Variants in DPPA2 observed in about 807,000 individuals in gnomAD.
The protein encoded by DPPA2 is developmental pluripotency-associated protein 2.
Under a neutral mutation model 36.2 loss-of-function variants are expected in DPPA2, and 26 were observed. The ratio of observed to expected loss-of-function variants is 0.72; its 90% CI spans 0.53 to 1.00. DPPA2 has a LOEUF of 1.00. DPPA2 is among the 50% of genes least tolerant of loss of function. DPPA2 has a pLI of 0.00. For synonymous variants in DPPA2, 113 were observed against 123.2 expected (o/e 0.92, Z 0.55); for missense variants, 361 against 365.1 (o/e 0.99, Z 0.09).
At chr3:109,311,334 C>A (rs76370693) in intron 3 of DPPA2, among the ~76,000 whole-genome samples, 214 of 152,298 alleles carry the variant, frequency 1.4e-3, no homozygotes, top group African/African-American at 4.8e-3. Context: ...CAGCCTGAAT[C>A]ATTTTTCTCT....
intron 8 of DPPA2, chr3:109,295,608 A>G (rs753886873): frequency 3.0e-5 from 4 of 135,076 alleles, no homozygotes; most frequent in Admixed American, 8.1e-5. Context: ...GTATATATCT[A>G]TATACACAGA....
At chr3:109,297,816 G>C (rs905714416) in intron 8 of DPPA2, among the ~76,000 whole-genome samples, 1 of 152,064 alleles carries the variant, frequency 6.6e-6, no homozygotes, top group African/African-American at 2.4e-5. Context: ...AAATGGCAAA[G>C]CTATGATAGG....
chr3:109,302,576 C>A (rs2107307323), intron 7 of DPPA2, among the ~76,000 whole-genome samples: 1 of 152,236 alleles, frequency 6.6e-6, no homozygotes, highest in Middle Eastern at 3.4e-3. Flanking sequence ...GCCTCAGCCT[C>A]CCAAGTAGCT....
chr3:109,309,388 A>C, intron 3 of DPPA2, 58 bp from the exon 4 acceptor site: 2 of 1,601,612 alleles, frequency 1.2e-6, no homozygotes, highest in Non-Finnish European at 1.7e-6. Flanking sequence ...ATTATTTTAA[A>C]ATTTTACAAA....
At chr3:109,308,367 T>G (rs1282922520) in intron 5 of DPPA2, 74 bp from the exon 6 acceptor site, 13 of 1,498,918 alleles carry the variant, frequency 8.7e-6, no homozygotes, top group Non-Finnish European at 1.2e-5. Context: ...ATTTTATTAT[T>G]CTTTTTTTTT....
intron 1 of DPPA2, 96 bp from the exon 2 acceptor site, chr3:109,314,651 T>G: frequency 8.2e-7 from 1 of 1,213,534 alleles, no homozygotes; most frequent in Non-Finnish European, 1.1e-6. Context: ...TTCTACTTCC[T>G]GTTACCCAGA....
intron 2 of DPPA2, among the ~76,000 whole-genome samples, chr3:109,313,365 A>C (rs2107321509): frequency 6.6e-6 from 1 of 152,272 alleles, no homozygotes; most frequent in Admixed American, 6.5e-5. Context: ...AGGAGAGTGT[A>C]TCTGTTTTAC....
chr3:109,313,354 G>C (rs182591237), intron 2 of DPPA2, among the ~76,000 whole-genome samples: 1 of 152,270 alleles, frequency 6.6e-6, no homozygotes, highest in African/African-American at 2.4e-5. Flanking sequence ...TCCAAGACCT[G>C]AGGAGAGTGT....
rs752936191 is a variant in DPPA2 at position 109,300,438 on chromosome 3, G to A, written c.855-3C>T. The A allele has an allele frequency of 3.1e-5, 50 of 1,613,558 alleles. No homozygotes were observed. Among genetic ancestry groups the A allele is most frequent in the Middle Eastern group, 3.3e-4 (2 of 6,082 alleles). On this transcript the variant is annotated splice_polypyrimidine_tract_variant and splice_region_variant and intron_variant, in intron 7 of 8. Transcript: ENST00000478945. The stretch of plus-strand genomic sequence containing the variant: ...ATCTTTTCATCATCTTCTTATTCCT[G>A]TAAGGCAAGTAGAAAAGAACTGTGA...
intron 7 of DPPA2, among the ~76,000 whole-genome samples, chr3:109,303,751 C>G (rs905749650): frequency 3.3e-5 from 5 of 152,092 alleles, no homozygotes; most frequent in African/African-American, 9.7e-5. Flanking sequence ...ATTAAAAACT[C>G]AAATGTGTGT....
chr3:109,301,578 G>A (rs148969183), intron 7 of DPPA2, among the ~76,000 whole-genome samples: 2,293 of 152,054 alleles, frequency 0.015, 25 homozygotes, highest in Non-Finnish European at 0.024. Flanking sequence ...CTTGAACCTG[G>A]GAGGCAGAGG....
At chr3:109,303,464 G>C (rs909144766) in intron 7 of DPPA2, among the ~76,000 whole-genome samples, 1 of 150,990 alleles carries the variant, frequency 6.6e-6, no homozygotes, top group Non-Finnish European at 1.5e-5. Context: ...TCTGCCTCCC[G>C]GGTTCAGCGA....
chr3:109,305,549 TG>T (rs1707542809), intron 6 of DPPA2, among the ~76,000 whole-genome samples: 1 of 151,890 alleles, frequency 6.6e-6, no homozygotes, highest in Admixed American at 6.6e-5. Flanking sequence ...CATAGGTGGG[TG>T]GATCACCTGA....
At chr3:109,311,036 A>T (rs1199738882) in intron 3 of DPPA2, among the ~76,000 whole-genome samples, 1 of 151,190 alleles carries the variant, frequency 6.6e-6, no homozygotes, top group Non-Finnish European at 1.5e-5. Flanking sequence ...CCCTGGCCTC[A>T]AGTGATCAGC....
At chr3:109,306,325 G>A (rs562712452) in intron 6 of DPPA2, among the ~76,000 whole-genome samples, 48 of 152,330 alleles carry the variant, frequency 3.2e-4, no homozygotes, top group East Asian at 1.7e-3. Context: ...AGTGCCCCCA[G>A]GCACACAGCT....
At chr3:109,312,975 C>T (rs1048356798) in intron 2 of DPPA2, among the ~76,000 whole-genome samples, 3 of 152,172 alleles carry the variant, frequency 2.0e-5, no homozygotes, top group East Asian at 3.9e-4. Flanking sequence ...GGGCCTTCCT[C>T]CTCATCAGCC....
intron 8 of DPPA2, 93 bp downstream of exon 8, chr3:109,300,278 G>A: frequency 1.0e-6 from 1 of 1,002,162 alleles, no homozygotes; most frequent in East Asian, 2.4e-5. Flanking sequence ...TGAATAGGGG[G>A]AAGGCAGAGA....
intron 8 of DPPA2, among the ~76,000 whole-genome samples, chr3:109,298,602 G>C (rs994377441): frequency 4.0e-5 from 6 of 151,522 alleles, no homozygotes; most frequent in Non-Finnish European, 7.4e-5. Flanking sequence ...TGTAATCCCA[G>C]CTACTCGGAA....
intron 7 of DPPA2, among the ~76,000 whole-genome samples, chr3:109,303,379 T>A (rs1022577593): frequency 1.3e-5 from 2 of 151,974 alleles, no homozygotes; most frequent in African/African-American, 4.8e-5. Context: ...ACTCTTTTTT[T>A]TTTTTTTTGA....
Sources: gnomAD v4.1 joint callset for allele counts (sites outside exome capture counted in the v4.1 genomes callset) on GRCh38, gnomAD v4.1.1 for gene constraint, MANE v1.5 for transcripts, NCBI Gene and HGNC (gene_info 2026-07-23, HGNC 2026-07-21) for gene names.